The following TBC1D5 variants were observed in gnomAD, a reference collection of about 807,000 sequenced individuals.
TBC1D5 encodes TBC1 domain family member 5, also known as TBC1 domain family, member 5.
In TBC1D5, 75 loss-of-function variants were observed where a neutral mutation model predicts 100.3. The ratio of observed to expected loss-of-function variants is 0.75; its 90% confidence interval spans 0.62 to 0.91. The LOEUF (loss-of-function observed/expected upper bound fraction) is 0.91, where lower values mean the gene tolerates loss of function less well. Among genes scored for constraint, TBC1D5 ranks in the 40% least tolerant of loss-of-function variants. The probability of loss-of-function intolerance (pLI) is 0.00; values close to 1 mark genes in which losing one functional copy is unlikely to be tolerated. For synonymous variants in TBC1D5, 323 were observed against 325.6 expected (o/e 0.99, Z 0.09); for missense variants, 910 against 942.4 (o/e 0.97, Z 0.45).
At chr3:17,463,058 C>G (rs73161500) in intron 3 of TBC1D5, among the ~76,000 whole-genome samples, 13,848 of 152,116 alleles carry the variant, frequency 0.091, 1,419 homozygotes, top group African/African-American at 0.26. Context: ...CAGACATGCA[C>G]TGGAATTAAA....
At chr3:17,294,396 A>T (rs2082049594) in intron 14 of TBC1D5, among the ~76,000 whole-genome samples, 1 of 151,978 alleles carries the variant, frequency 6.6e-6, no homozygotes, top group Non-Finnish European at 1.5e-5. Flanking sequence ...GCTAATTTTT[A>T]AGTTTTTTGA....
intron 1 of TBC1D5, among the ~76,000 whole-genome samples, chr3:17,731,893 A>G (rs2076588711): frequency 6.6e-6 from 1 of 152,326 alleles, no homozygotes; most frequent in Non-Finnish European, 1.5e-5. Flanking sequence ...GTAAGAGAAG[A>G]AGGTAAATTC....
chr3:17,529,292 G>A (rs1231693241), intron 2 of TBC1D5, among the ~76,000 whole-genome samples: 1 of 152,086 alleles, frequency 6.6e-6, no homozygotes. Flanking sequence ...CTTTCCAGCC[G>A]CAGAGCCTTT....
intron 19 of TBC1D5, among the ~76,000 whole-genome samples, chr3:17,168,600 C>T (rs758441392): frequency 9.9e-5 from 15 of 152,154 alleles, no homozygotes; most frequent in Admixed American, 2.6e-4. Context: ...GCAGGATTCT[C>T]GCAAGGGGCC....
intron 2 of TBC1D5, among the ~76,000 whole-genome samples, chr3:17,615,114 A>G (rs1210597935): frequency 6.6e-6 from 1 of 152,184 alleles, no homozygotes; most frequent in Non-Finnish European, 1.5e-5. Context: ...ATTCTGTTGA[A>G]GGCCTTTTCT....
chr3:17,337,123 G>GTT (rs11328091), intron 13 of TBC1D5, among the ~76,000 whole-genome samples: 2,179 of 116,054 alleles, frequency 0.019, 48 homozygotes, highest in Admixed American at 0.032. Context: ...TATCTGAGAG[G>GTT]TTTTTTTTTT....
chr3:17,687,628 C>T (rs1462166855), intron 1 of TBC1D5, among the ~76,000 whole-genome samples: 2 of 152,158 alleles, frequency 1.3e-5, no homozygotes, highest in Non-Finnish European at 2.9e-5. Flanking sequence ...TTTTGCTCTA[C>T]CGTACAGTTT....
At chr3:17,234,821 T>C (rs1161166099) in intron 17 of TBC1D5, among the ~76,000 whole-genome samples, 1 of 152,154 alleles carries the variant, frequency 6.6e-6, no homozygotes, top group Non-Finnish European at 1.5e-5. Flanking sequence ...CCACTATGAC[T>C]TACAGCATGG....
At chr3:17,464,497 C>T (rs965974489) in intron 3 of TBC1D5, among the ~76,000 whole-genome samples, 4 of 152,000 alleles carry the variant, frequency 2.6e-5, no homozygotes, top group Middle Eastern at 3.2e-3. Context: ...AAATCTTTCC[C>T]GGTTTCCTTC....
At chr3:17,683,885 T>C (rs922160669) in intron 1 of TBC1D5, among the ~76,000 whole-genome samples, 8 of 152,234 alleles carry the variant, frequency 5.3e-5, no homozygotes, top group Admixed American at 3.3e-4. Flanking sequence ...TCTACATTAA[T>C]GTCTCTTTTC....
intron 1 of TBC1D5, among the ~76,000 whole-genome samples, chr3:17,636,101 G>A (rs1418925448): frequency 6.6e-6 from 1 of 152,112 alleles, no homozygotes; most frequent in African/African-American, 2.4e-5. Flanking sequence ...GCTGAGGCAG[G>A]AGAATCGCTG....
intron 2 of TBC1D5, among the ~76,000 whole-genome samples, chr3:17,615,947 T>C (rs1057067758): frequency 6.6e-6 from 1 of 152,192 alleles, no homozygotes; most frequent in African/African-American, 2.4e-5. Context: ...ATTTGTTTGC[T>C]GTTGCTTCTC....
At chr3:17,402,518 C>G (rs895863993) in intron 8 of TBC1D5, among the ~76,000 whole-genome samples, 4 of 151,814 alleles carry the variant, frequency 2.6e-5, no homozygotes, top group African/African-American at 9.7e-5. Flanking sequence ...TACTATTATC[C>G]CCATTTAACA....
At chr3:17,683,736 A>T (rs1327873189) in intron 1 of TBC1D5, among the ~76,000 whole-genome samples, 1 of 152,152 alleles carries the variant, frequency 6.6e-6, no homozygotes, top group Admixed American at 6.5e-5. Flanking sequence ...GCTACTTAAC[A>T]TCTCTAAGTC....
intron 3 of TBC1D5, among the ~76,000 whole-genome samples, chr3:17,485,303 A>AT (rs1322703623): frequency 6.9e-6 from 1 of 144,326 alleles, no homozygotes; most frequent in Non-Finnish European, 1.5e-5. Context: ...ATTTTATTTT[A>AT]TTTTTTTTAC....
At chr3:17,206,653 C>T (rs1163537653) in intron 18 of TBC1D5, among the ~76,000 whole-genome samples, 1 of 152,102 alleles carries the variant, frequency 6.6e-6, no homozygotes, top group Non-Finnish European at 1.5e-5. Flanking sequence ...ATGGTCACCC[C>T]CCTGTAGTGC....
At chr3:17,610,283 CA>C (rs1278789471) in intron 2 of TBC1D5, among the ~76,000 whole-genome samples, 1 of 152,094 alleles carries the variant, frequency 6.6e-6, no homozygotes, top group East Asian at 1.9e-4. Flanking sequence ...CTCCCAGACT[CA>C]AGTGATCCTC....
intron 15 of TBC1D5, among the ~76,000 whole-genome samples, chr3:17,268,657 A>T (rs1192399189): frequency 6.6e-6 from 1 of 152,128 alleles, no homozygotes; most frequent in East Asian, 1.9e-4. Context: ...ATTAGTGACA[A>T]TGTTTCAGAT....
chr3:17,695,583 C>A (rs901481632), intron 1 of TBC1D5, among the ~76,000 whole-genome samples: 3 of 152,134 alleles, frequency 2.0e-5, no homozygotes, highest in Non-Finnish European at 2.9e-5. Context: ...TACAGGAGCA[C>A]CCAGATTCAT....
Sources: allele counts gnomAD v4.1 joint callset (sites outside exome capture counted in the v4.1 genomes callset), GRCh38; gene constraint gnomAD v4.1.1; transcripts MANE v1.5; gene names NCBI Gene and HGNC (gene_info 2026-07-23, HGNC 2026-07-21).